Variants in ABCB5 observed in about 807,000 individuals in gnomAD.
The protein encoded by ABCB5 is ATP binding cassette subfamily B member 5, also known as ATP-binding cassette sub-family B member 5.
In ABCB5, 155 loss-of-function variants were observed where a neutral mutation model predicts 144.2. That is an observed-to-expected ratio of 1.08 (90% CI 0.94 to 1.23). The LOEUF is 1.23. Ranked by LOEUF, ABCB5 falls within the 50% of genes most tolerant of loss-of-function variation. ABCB5 has a pLI of 0.00. For synonymous variants in ABCB5, 610 were observed against 528.6 expected (o/e 1.15, Z -2.11); for missense variants, 1,830 against 1,520.8 (o/e 1.20, Z -3.38).
intron 5 of ABCB5, among the ~76,000 whole-genome samples, chr7:20,641,389 A>C (rs962234321): frequency 3.3e-5 from 5 of 152,034 alleles, no homozygotes; most frequent in Admixed American, 3.3e-4. Context: ...ACTATAAAAC[A>C]CTAGTGTGCA....
intron 16 of ABCB5, among the ~76,000 whole-genome samples, chr7:20,695,880 C>T (rs1044655358): frequency 1.8e-4 from 27 of 151,876 alleles, no homozygotes; most frequent in African/African-American, 6.5e-4. Context: ...TCACTATACA[C>T]CTGTTAGAAT....
chr7:20,688,972 T>TA (rs1347448528), intron 16 of ABCB5, among the ~76,000 whole-genome samples: 1 of 148,394 alleles, frequency 6.7e-6, no homozygotes, highest in Non-Finnish European at 1.5e-5. Flanking sequence ...TGTGGTGGGG[T>TA]GGGGAGAGGG....
intron 13 of ABCB5, among the ~76,000 whole-genome samples, chr7:20,656,254 T>TA (rs1195482625): frequency 1.3e-5 from 2 of 151,758 alleles, no homozygotes; most frequent in Admixed American, 6.6e-5. Flanking sequence ...AGCATTACTA[T>TA]AAAAAAAAGA....
rs1292749806 is a variant in ABCB5 at position 20,691,896 on chromosome 7, A to G, written c.2010+6060A>G. On this transcript the variant is annotated intron_variant, in intron 16 of 27. Coordinates refer to ENST00000404938, the MANE Select transcript of ABCB5 (RefSeq NM_001163941.2). Reference sequence around the variant, plus strand: ...TACAATGTCTGGCATCCATTCAAAAATCACCAGGCAAGCAAAAAAGGAGAA... The same window carrying G: ...TACAATGTCTGGCATCCATTCAAAAGTCACCAGGCAAGCAAAAAAGGAGAA... Among the ~76,000 whole-genome samples the G allele has an allele frequency of 4.6e-5, 7 of 152,090 alleles. No homozygotes were observed. The East Asian group carries it at 1.4e-3, about 29-fold the overall frequency.
chr7:20,652,183 C>A (rs1383226588), intron 13 of ABCB5, among the ~76,000 whole-genome samples: 1 of 152,198 alleles, frequency 6.6e-6, no homozygotes, highest in African/African-American at 2.4e-5. Flanking sequence ...GTGGGAAAGT[C>A]ATACACACAA....
At chr7:20,727,824 T>C (rs1782084657) in intron 22 of ABCB5, among the ~76,000 whole-genome samples, 1 of 151,994 alleles carries the variant, frequency 6.6e-6, no homozygotes, top group Non-Finnish European at 1.5e-5. Context: ...CTTTTAATTT[T>C]AAACTAGTCC....
At chr7:20,688,980 G>A (rs906380728) in intron 16 of ABCB5, among the ~76,000 whole-genome samples, 11 of 151,490 alleles carry the variant, frequency 7.3e-5, no homozygotes, top group Admixed American at 4.0e-4. Flanking sequence ...GGTGGGGAGA[G>A]GGGGGAGGGA....
At chr7:20,637,544 G>A (rs2390347) in intron 5 of ABCB5, among the ~76,000 whole-genome samples, 10 of 151,392 alleles carry the variant, frequency 6.6e-5, no homozygotes, top group Admixed American at 2.0e-4. Context: ...CCACAGCCTC[G>A]TGAGTAGCTG....
intron 24 of ABCB5, 82 bp from the exon 25 acceptor site, chr7:20,742,795 A>C (rs1338803815): frequency 2.7e-5 from 37 of 1,384,142 alleles, no homozygotes; most frequent in Middle Eastern, 4.9e-4. Context: ...CACAATTTTC[A>C]AAATGAACTT....
intron 14 of ABCB5, among the ~76,000 whole-genome samples, chr7:20,669,667 A>G (rs1297981852): frequency 1.6e-5 from 2 of 126,530 alleles, no homozygotes; most frequent in African/African-American, 6.3e-5. Context: ...TCCCTCCACT[A>G]TTGTCCTATG....
intron 14 of ABCB5, among the ~76,000 whole-genome samples, chr7:20,664,482 C>T (rs1339107802): frequency 6.6e-6 from 1 of 152,132 alleles, no homozygotes; most frequent in Admixed American, 6.5e-5. Context: ...AAATATTTTT[C>T]CATGATATGG....
intron 19 of ABCB5, among the ~76,000 whole-genome samples, chr7:20,704,075 C>CTTTTTTTTTTTGTTTTTTT (rs1786729165): frequency 1.2e-5 from 1 of 80,772 alleles, no homozygotes; most frequent in Non-Finnish European, 2.2e-5. Flanking sequence ...TATTGCCTTC[C>CTTTTTTTTTTTGTTTTTTT]TTTTTTTTTT....
intron 5 of ABCB5, among the ~76,000 whole-genome samples, chr7:20,634,120 T>C (rs113467060): frequency 0.017 from 2,538 of 152,018 alleles, 60 homozygotes; most frequent in African/African-American, 0.058. Context: ...GAACTTGTGG[T>C]ATTTGACTGT....
At position 20,753,400 on chromosome 7, in the gene ABCB5, C is replaced by A; in HGVS notation, c.3470C>A (p.Ser1157Tyr). Residue 1157 changes from serine to tyrosine, a missense_variant, in exon 27 of 28, where the codon TCT becomes TAT. Transcript: ENST00000404938. Reference protein sequence around the residue: ...TQVGLKGAQLSGGQKQRLAIA... With the variant: ...TQVGLKGAQLYGGQKQRLAIA... ...GTTGGACTGAAAGGAGCACAGCTTT[C>A]TGGCGGCCAGAAACAAAGACTAGCT... The A allele has an allele frequency of 6.2e-7, 1 of 1,614,152 alleles. No homozygotes were observed. Among genetic ancestry groups the A allele is most frequent in the Non-Finnish European group, 8.5e-7 (1 of 1,180,004 alleles).
intron 5 of ABCB5, among the ~76,000 whole-genome samples, chr7:20,636,283 G>A (rs973651077): frequency 3.9e-5 from 6 of 151,968 alleles, no homozygotes; most frequent in Admixed American, 1.3e-4. Context: ...GTACAGTCAC[G>A]AAGGATACTT....
At chr7:20,700,772 G>A (rs1050848507) in intron 19 of ABCB5, among the ~76,000 whole-genome samples, 7 of 152,134 alleles carry the variant, frequency 4.6e-5, no homozygotes, top group African/African-American at 1.7e-4. Flanking sequence ...TCTTTCACGA[G>A]GCTAAAATGT....
At chr7:20,620,377 C>T (rs145311648) in intron 1 of ABCB5, among the ~76,000 whole-genome samples, 1 of 151,878 alleles carries the variant, frequency 6.6e-6, no homozygotes, top group Non-Finnish European at 1.5e-5. Flanking sequence ...AAAACACACA[C>T]AAAAACAATA....
At chr7:20,713,557 T>C (rs1247191649) in intron 20 of ABCB5, among the ~76,000 whole-genome samples, 1 of 149,882 alleles carries the variant, frequency 6.7e-6, no homozygotes, top group African/African-American at 2.5e-5. Flanking sequence ...TCTGACTGGA[T>C]GCTACACATT....
In ABCB5 at chr7:20,755,809, T is replaced by C. The variant is rs530367631; in HGVS notation, c.*185T>C. ...AGATTTTTAAAAGGAAGCAAAAATT[T>C]GCTTATTTCATGTAAGTGAAATAAT... On this transcript the variant is annotated 3_prime_UTR_variant, in exon 28 of 28. Transcript: ENST00000404938. 1 of 602,980 alleles carries C rather than the reference T, an allele frequency of 1.7e-6. No individual in the cohort carries two copies. The highest frequency in any genetic ancestry group is 2.8e-6 in the Non-Finnish European group (1 of 354,728). The allele number at this position is 602,980 out of a possible 1,614,324, so 37.4% of individuals were successfully genotyped here. A position where few individuals can be genotyped will look rare whatever the true frequency, so the allele number is the denominator to read the frequency against.
Sources: allele counts gnomAD v4.1 joint callset (sites outside exome capture counted in the v4.1 genomes callset), GRCh38; gene constraint gnomAD v4.1.1; transcripts MANE v1.5; gene names NCBI Gene and HGNC (gene_info 2026-07-23, HGNC 2026-07-21).